The following EMCN variants were observed in gnomAD, a reference collection of about 807,000 sequenced individuals.
EMCN encodes endomucin, also known as MUC-14.
EMCN carries 37 observed loss-of-function variants against 38.4 expected under a neutral mutation model. The observed-to-expected ratio is 0.96, with a 90% confidence interval of 0.74 to 1.27. The LOEUF is 1.27. Among genes scored for constraint, EMCN ranks in the 50% most tolerant of loss-of-function variants. The pLI is 0.00. For synonymous variants in EMCN, 95 were observed against 100.8 expected, an observed-to-expected ratio of 0.94 and a Z score of 0.35; for missense variants, 318 against 302.8, an observed-to-expected ratio of 1.05 and a Z score of -0.37.
Position 100,514,378 on chromosome 4 carries a change from T to G in EMCN, c.64+3473A>C, listed in dbSNP as rs113446294. ...ATATGTCAAATCACACACTTTCTAC[T>G]TCCTTAAAGCTCTTCCTAGACCCTT... On this transcript the variant is annotated intron_variant, in intron 1 of 11. Transcript: ENST00000296420. Among the ~76,000 whole-genome samples, 56 of 152,210 alleles carry G rather than the reference T, an allele frequency of 3.7e-4. 2 individuals are homozygous for G. Among genetic ancestry groups the G allele is most frequent in the African/African-American group, 1.3e-3 (53 of 41,558 alleles).
At chr4:100,431,741 C>G (rs1047548646) in intron 5 of EMCN, among the ~76,000 whole-genome samples, 1 of 150,920 alleles carries the variant, frequency 6.6e-6, no homozygotes, top group African/African-American at 2.4e-5. Flanking sequence ...CTCTTTCTCT[C>G]CCTTTCTGCT....
chr4:100,475,513 C>G (rs1388751581), intron 2 of EMCN, among the ~76,000 whole-genome samples: 2 of 148,852 alleles, frequency 1.3e-5, no homozygotes, highest in Admixed American at 1.3e-4. Context: ...TTTTTTTTTT[C>G]TAGAATTACA....
At chr4:100,459,445 A>C (rs1172467296) in intron 4 of EMCN, among the ~76,000 whole-genome samples, 1 of 152,102 alleles carries the variant, frequency 6.6e-6, no homozygotes, top group African/African-American at 2.4e-5. Context: ...CTACTCTCTT[A>C]GTGATTTTCA....
intron 11 of EMCN, among the ~76,000 whole-genome samples, chr4:100,401,995 C>T (rs937600224): frequency 6.6e-6 from 1 of 152,108 alleles, no homozygotes; most frequent in Non-Finnish European, 1.5e-5. Context: ...ATATCTTAGA[C>T]ATGCTTTCAT....
At position 100,409,873 on chromosome 4, in the gene EMCN, T is replaced by G. The variant is rs144117616; in HGVS notation, c.*39+409A>C. 4.7e-4 allele frequency among the ~76,000 whole-genome samples: 72 copies of G among 152,350 alleles called. 1 individual carries two copies. The highest frequency in any genetic ancestry group is 4.6e-3 in the Admixed American group (70 of 15,304). On this transcript the variant is annotated intron_variant, in intron 11 of 11. Transcript: ENST00000296420. The stretch of plus-strand genomic sequence containing the variant: ...CTTTACTTTAATGCAGTTTCTATAT[T>G]TTATCATTTTCTTGCAATAAACTGC...
At chr4:100,510,147 A>C (rs1402942612) in intron 1 of EMCN, among the ~76,000 whole-genome samples, 3 of 152,222 alleles carry the variant, frequency 2.0e-5, no homozygotes, top group Non-Finnish European at 4.4e-5. Flanking sequence ...CAGATTAAGC[A>C]ACACTCAATA....
At chr4:100,421,474 T>A in intron 7 of EMCN, 97 bp from the exon 8 acceptor site, 1 of 869,488 alleles carries the variant, frequency 1.2e-6, no homozygotes, top group Non-Finnish European at 1.9e-6. Context: ...TCCTTTCTTC[T>A]TTAAATATCA....
chr4:100,497,801 G>GA (rs1309343790), intron 1 of EMCN, among the ~76,000 whole-genome samples: 1 of 151,526 alleles, frequency 6.6e-6, no homozygotes, highest in South Asian at 2.1e-4. Flanking sequence ...AAGTTCAGAA[G>GA]AAAAAATATA....
Position 100,395,457 on chromosome 4 carries a change from T to TG in EMCN, c.*2955_*2956insC, listed in dbSNP as rs1231891330. The TG allele has an allele frequency of 6.6e-6, 1 of 152,146 alleles. No individual in the cohort carries two copies. Among genetic ancestry groups the TG allele is most frequent in the East Asian group, 1.9e-4 (1 of 5,192 alleles). The allele number at this position is 152,146 out of a possible 1,614,324, so 9.4% of individuals were successfully genotyped here. On this transcript the variant is annotated 3_prime_UTR_variant, in exon 12 of 12. Transcript: ENST00000296420. The stretch of plus-strand genomic sequence containing the variant: ...AATCCATCCATTAAGAATTCTCCAT[T>TG]AAGAATACTCATTATAGGTTTAATT...
chr4:100,505,329 C>A (rs1578237797), intron 1 of EMCN, among the ~76,000 whole-genome samples: 1 of 152,120 alleles, frequency 6.6e-6, no homozygotes, highest in East Asian at 1.9e-4. Flanking sequence ...AACTCACTGA[C>A]CCTGTGGGGC....
chr4:100,424,965 C>A lies in EMCN; in HGVS notation c.416-1561G>T, dbSNP rs1578404049. Among the ~76,000 whole-genome samples the A allele has an allele frequency of 2.0e-5, 3 of 152,192 alleles. No homozygotes were observed. The East Asian group carries it at 5.8e-4, about 30-fold the overall frequency. On this transcript the variant is annotated intron_variant, in intron 5 of 11. Transcript: ENST00000296420. ...TGTCTGGGTCAGAACAAACTCCCAACTTCCCTGCTTAAAACGTGTTGATTG... is the reference window on the plus strand; with the variant it reads ...TGTCTGGGTCAGAACAAACTCCCAAATTCCCTGCTTAAAACGTGTTGATTG...
At chr4:100,487,771 A>C (rs1281481752) in intron 1 of EMCN, among the ~76,000 whole-genome samples, 1 of 152,110 alleles carries the variant, frequency 6.6e-6, no homozygotes, top group Non-Finnish European at 1.5e-5. Context: ...TGTGATTGTA[A>C]GTTTCCTGAG....
intron 11 of EMCN, among the ~76,000 whole-genome samples, chr4:100,407,166 T>C (rs1031274358): frequency 6.6e-6 from 1 of 152,176 alleles, no homozygotes; most frequent in East Asian, 1.9e-4. Context: ...GGGTCTTTCT[T>C]CTTTAATCAA....
At chr4:100,498,681 A>G (rs1188058381) in intron 1 of EMCN, among the ~76,000 whole-genome samples, 1 of 152,090 alleles carries the variant, frequency 6.6e-6, no homozygotes, top group Non-Finnish European at 1.5e-5. Context: ...ACCTCAGGTG[A>G]TCCACCCACC....
intron 1 of EMCN, among the ~76,000 whole-genome samples, chr4:100,483,130 C>T (rs1728855922): frequency 6.6e-6 from 1 of 152,030 alleles, no homozygotes; most frequent in South Asian, 2.1e-4. Context: ...ACTGAGTGTG[C>T]CATATTCCAG....
chr4:100,486,490 G>A (rs1289013592), intron 1 of EMCN, among the ~76,000 whole-genome samples: 1 of 152,194 alleles, frequency 6.6e-6, no homozygotes, highest in Non-Finnish European at 1.5e-5. Flanking sequence ...AAAAAGTATT[G>A]TAGCAAGCAC....
chr4:100,396,058 A>G lies in EMCN; in HGVS notation c.*2355T>C, dbSNP rs898047865. The G allele has an allele frequency of 1.3e-5, 2 of 152,184 alleles. No homozygotes were observed. The highest frequency in any genetic ancestry group is 4.8e-5 in the African/African-American group (2 of 41,440). The allele number at this position is 152,184 out of a possible 1,614,324, so 9.4% of individuals were successfully genotyped here. A position where few individuals can be genotyped will look rare whatever the true frequency, so the allele number is the denominator to read the frequency against. ...GCCAGGCATAAAAAGTAGATCATCTAAATCAGATAATTAAAACATATTTGA... is the reference window on the plus strand; with the variant it reads ...GCCAGGCATAAAAAGTAGATCATCTGAATCAGATAATTAAAACATATTTGA... On this transcript the variant is annotated 3_prime_UTR_variant, in exon 12 of 12. Coordinates refer to ENST00000296420, the MANE Select transcript of EMCN (RefSeq NM_016242.4).
chr4:100,470,126 T>G (rs926274829), intron 3 of EMCN, among the ~76,000 whole-genome samples: 13 of 151,894 alleles, frequency 8.6e-5, no homozygotes, highest in African/African-American at 3.1e-4. Flanking sequence ...ATGGGGGAAA[T>G]TTTTGCATAC....
chr4:100,497,538 G>T (rs1375158399), intron 1 of EMCN, among the ~76,000 whole-genome samples: 1 of 152,004 alleles, frequency 6.6e-6, no homozygotes, highest in African/African-American at 2.4e-5. Flanking sequence ...CACCACGCCT[G>T]GCTAATTTTT....
Sources: gnomAD v4.1 joint callset for allele counts (sites outside exome capture counted in the v4.1 genomes callset) on GRCh38, gnomAD v4.1.1 for gene constraint, MANE v1.5 for transcripts, NCBI Gene and HGNC (gene_info 2026-07-23, HGNC 2026-07-21) for gene names.